Variants in ZNF611 observed in about 807,000 individuals in gnomAD.
ZNF611 encodes the protein zinc finger protein 611.
In ZNF611, 6 loss-of-function variants were observed where a neutral mutation model predicts 8.9. The observed-to-expected ratio is 0.68, with a 90% confidence interval of 0.37 to 1.34. The LOEUF (loss-of-function observed/expected upper bound fraction) is 1.34. Ranked by LOEUF, ZNF611 falls within the 40% of genes most tolerant of loss-of-function variation. The pLI is 0.02. For missense variants in ZNF611, 874 were observed against 841.3 expected, an observed-to-expected ratio of 1.04 and a Z score of -0.48; for synonymous variants, 262 against 279.7, an observed-to-expected ratio of 0.94 and a Z score of 0.63.
At chr19:52,712,964 C>T (rs1376798340) in intron 5 of ZNF611, among the ~76,000 whole-genome samples, 1 of 152,086 alleles carries the variant, frequency 6.6e-6, no homozygotes, top group Non-Finnish European at 1.5e-5. Context: ...GAATCCAAGG[C>T]AACTGAATCA....
At chr19:52,725,073 CCAAA>C (rs2062383035) in intron 3 of ZNF611, among the ~76,000 whole-genome samples, 1 of 152,068 alleles carries the variant, frequency 6.6e-6, no homozygotes, top group Non-Finnish European at 1.5e-5. Flanking sequence ...TCTCTTTGAC[CCAAA>C]CAATCACACG....
Position 52,715,861 on chromosome 19 carries a change from C to T in ZNF611, c.34G>A (p.Gly12Arg), listed in dbSNP as rs748740238. 1.1e-5 allele frequency: 18 copies of T among 1,613,252 alleles called. No homozygotes were observed. The highest frequency in any genetic ancestry group is 3.3e-4 in the Middle Eastern group (2 of 6,056). ...LREEAAQKRK[G>R]KEPGMALPQG... ...GGAAGAGCCATGCCTGGCTCCTTTC[C>T]TTTCCTCTTCTGAGCTGCTTCCTCA... The change falls in exon 4 of 6, where the codon GGA becomes AGA. Residue 12 changes from glycine to arginine, a missense_variant. Coordinates refer to ENST00000652185, the MANE Select transcript of ZNF611 (RefSeq NM_001161499.2).
intron 3 of ZNF611, 86 bp from the exon 4 acceptor site, chr19:52,715,999 C>A: frequency 6.6e-7 from 1 of 1,510,656 alleles, no homozygotes. Context: ...GGAGACGTCA[C>A]CCTGTAGAAA....
intron 5 of ZNF611, among the ~76,000 whole-genome samples, chr19:52,709,013 A>G (rs1325045059): frequency 2.0e-5 from 3 of 152,202 alleles, no homozygotes; most frequent in Admixed American, 6.5e-5. Flanking sequence ...TGTACTAGGA[A>G]AATTTATTAA....
chr19:52,732,187 G>A (rs1048915345), intron 1 of ZNF611, among the ~76,000 whole-genome samples: 17 of 151,482 alleles, frequency 1.1e-4, no homozygotes, highest in Non-Finnish European at 2.1e-4. Flanking sequence ...GGAGAATGGC[G>A]TGAACCCGGG....
rs558001604 is a variant in ZNF611, at chr19:52,725,902, T to C, written c.-20+2828A>G. Among the ~76,000 whole-genome samples the C allele has an allele frequency of 3.3e-5, 5 of 152,078 alleles. No individual in the cohort carries two copies. The East Asian group carries it at 9.8e-4, about 30-fold the overall frequency. On this transcript the variant is annotated intron_variant, in intron 3 of 5. Coordinates refer to ENST00000652185, the MANE Select transcript of ZNF611 (RefSeq NM_001161499.2). ...CAAAGGGCGGGGCCGGGACCGGACC[T>C]GTGCATCTCTCCGCCTCGCACCCAG...
At chr19:52,718,053 T>C (rs187264709) in intron 3 of ZNF611, among the ~76,000 whole-genome samples, 1 of 152,096 alleles carries the variant, frequency 6.6e-6, no homozygotes, top group Non-Finnish European at 1.5e-5. Context: ...TACCATACTT[T>C]GAAAACAATG....
intron 5 of ZNF611, among the ~76,000 whole-genome samples, chr19:52,709,980 A>G (rs1183025245): frequency 1.3e-5 from 2 of 152,302 alleles, no homozygotes; most frequent in South Asian, 4.1e-4. Flanking sequence ...GAAGGCTCTC[A>G]CCAGGAGCCA....
At chr19:52,714,175 T>C (rs777535724) in intron 4 of ZNF611, 34 bp from the exon 5 acceptor site, 3 of 1,609,554 alleles carry the variant, frequency 1.9e-6, no homozygotes, top group Non-Finnish European at 1.7e-6. Flanking sequence ...CAAAACATTA[T>C]GGAGTAATGA....
chr19:52,716,076 T>C, intron 3 of ZNF611, 163 bp from the exon 4 acceptor site: 5 of 765,100 alleles, frequency 6.5e-6, no homozygotes, highest in South Asian at 1.8e-5. Flanking sequence ...GGAAGACCTA[T>C]GAGTGTATAT....
intron 3 of ZNF611, among the ~76,000 whole-genome samples, chr19:52,726,778 C>G (rs1220312798): frequency 6.7e-6 from 1 of 148,418 alleles, no homozygotes; most frequent in Non-Finnish European, 1.5e-5. Context: ...ACACAGGGAT[C>G]CAACATTATT....
At position 52,714,067 on chromosome 19, in the gene ZNF611, C is replaced by T. The variant is rs113753785; in HGVS notation, c.138G>A (p.Arg46=). ...AEWKCLNPSQ[R]ALYREVMLEN... ...CCAACATCACTTCCCTGTACAAAGC[C>T]CTCTGTGAAGGGTTCAGGCATTTCC... is the stretch of plus-strand genomic sequence containing the variant. The change falls in exon 5 of 6, where the codon AGG becomes AGA. Residue 46 remains arginine (R), a synonymous_variant. Coordinates refer to ENST00000652185, the MANE Select transcript of ZNF611 (RefSeq NM_001161499.2). 5 of 1,614,052 alleles carry T rather than the reference C, an allele frequency of 3.1e-6. No individual in the cohort carries two copies. The highest frequency in any genetic ancestry group is 2.7e-5 in the African/African-American group (2 of 75,016).
chr19:52,733,446 G>A (rs2062437612), intron 1 of ZNF611, among the ~76,000 whole-genome samples: 1 of 152,080 alleles, frequency 6.6e-6, no homozygotes, highest in Admixed American at 6.6e-5. Flanking sequence ...GAGTACAGGT[G>A]CACACCATTA....
At chr19:52,719,964 A>G (rs1479266326) in intron 3 of ZNF611, among the ~76,000 whole-genome samples, 1 of 152,206 alleles carries the variant, frequency 6.6e-6, no homozygotes, top group Non-Finnish European at 1.5e-5. Flanking sequence ...GGGAGTGGTG[A>G]TGACTTTTAA....
intron 5 of ZNF611, among the ~76,000 whole-genome samples, chr19:52,709,401 T>C (rs769974841): frequency 7.2e-5 from 11 of 151,858 alleles, no homozygotes; most frequent in Non-Finnish European, 1.3e-4. Context: ...GCCTTCAGAG[T>C]AGCTAGGACT....
intron 5 of ZNF611, chr19:52,707,502 C>G (rs185943043): frequency 6.7e-6 from 1 of 148,836 alleles, no homozygotes; most frequent in Non-Finnish European, 1.5e-5. Context: ...GCCAGGATCA[C>G]ACCACTGCAC....
Position 52,705,996 on chromosome 19 carries a change from A to T in ZNF611, c.1059T>A (p.Asn353Lys), listed in dbSNP as rs1364731454. The T allele has an allele frequency of 6.2e-7, 1 of 1,613,966 alleles. No individual in the cohort carries two copies. Among genetic ancestry groups the T allele is most frequent in the African/African-American group, 1.3e-5 (1 of 74,894 alleles). The part of the protein sequence containing the change: ...YKCNECDKAF[N>K]QQSQLSHHRI... ...TATGATGTGAAAGTTGTGATTGTTGATTAAAAGCCTTGTCACATTCATTAC... is the reference window on the plus strand; with the variant it reads ...TATGATGTGAAAGTTGTGATTGTTGTTTAAAAGCCTTGTCACATTCATTAC... Residue 353 changes from asparagine to lysine, a missense_variant, in exon 6 of 6, where the codon AAT becomes AAA. Coordinates refer to ENST00000652185, the MANE Select transcript of ZNF611 (RefSeq NM_001161499.2).
chr19:52,712,184 C>G (rs1343980602), intron 5 of ZNF611, among the ~76,000 whole-genome samples: 1 of 151,964 alleles, frequency 6.6e-6, no homozygotes, highest in Non-Finnish European at 1.5e-5. Context: ...CAACAAAATC[C>G]TCTGTGTAGA....
chr19:52,719,789 T>C (rs2062342331), intron 3 of ZNF611, among the ~76,000 whole-genome samples: 1 of 152,228 alleles, frequency 6.6e-6, no homozygotes, highest in Admixed American at 6.5e-5. Flanking sequence ...TTAGTATTTA[T>C]TGATCATTCT....
Sources: gnomAD v4.1 joint callset for allele counts (sites outside exome capture counted in the v4.1 genomes callset) on GRCh38, gnomAD v4.1.1 for gene constraint, MANE v1.5 for transcripts, NCBI Gene and HGNC (gene_info 2026-07-23, HGNC 2026-07-21) for gene names.